The following PLCB4 variants were observed in gnomAD, a reference collection of about 807,000 sequenced individuals.
The protein encoded by PLCB4 is phospholipase C beta 4, also known as 1-phosphatidylinositol 4,5-bisphosphate phosphodiesterase beta-4.
PLCB4 carries 77 observed loss-of-function variants against 178.8 expected under a neutral mutation model. The ratio of observed to expected loss-of-function variants is 0.43; its 90% confidence interval spans 0.36 to 0.52. PLCB4 has a LOEUF of 0.52. Among genes scored for constraint, PLCB4 ranks in the 20% least tolerant of loss-of-function variants. The pLI is 0.00. For synonymous variants in PLCB4, 496 were observed against 490.8 expected, an observed-to-expected ratio of 1.01 and a Z score of -0.14; for missense variants, 1,024 against 1,453.4, an observed-to-expected ratio of 0.70 and a Z score of 4.80.
chr20:9,104,888 A>C (rs1484157453), intron 2 of PLCB4, among the ~76,000 whole-genome samples: 1 of 151,994 alleles, frequency 6.6e-6, no homozygotes, highest in Non-Finnish European at 1.5e-5. Context: ...TACCATTTTA[A>C]AGACCTCCCA....
chr20:9,416,084 A>G (rs2040223445), intron 25 of PLCB4, among the ~76,000 whole-genome samples: 1 of 152,348 alleles, frequency 6.6e-6, no homozygotes, highest in Non-Finnish European at 1.5e-5. Flanking sequence ...CTCTTCAAGT[A>G]TACAAAATGA....
At chr20:9,162,341 G>A (rs1365638051) in intron 2 of PLCB4, among the ~76,000 whole-genome samples, 4 of 152,140 alleles carry the variant, frequency 2.6e-5, no homozygotes, top group Admixed American at 6.6e-5. Flanking sequence ...GAAGCAAAAT[G>A]TGGCGATTTG....
Position 9,303,045 on chromosome 20 carries a change from C to A in PLCB4, c.-15-4755C>A, listed in dbSNP as rs1466084382. ...TCACAGCCTGGCAAACTGGGATGGC[C>A]ACCATGTTGTTTTTTAATCTATTTT... On this transcript the variant is annotated intron_variant, in intron 3 of 39. Coordinates refer to ENST00000378473, the MANE Select transcript of PLCB4 (RefSeq NM_001377142.1). 4.6e-5 allele frequency among the ~76,000 whole-genome samples: 7 copies of A among 152,122 alleles called. No homozygotes were observed. In the East Asian group the frequency reaches 1.4e-3, roughly 29 times the overall value.
chr20:9,146,859 A>C lies in PLCB4; in HGVS notation c.-79+50517A>C, dbSNP rs988035309. On this transcript the variant is annotated intron_variant, in intron 2 of 39. Coordinates refer to ENST00000378473, the MANE Select transcript of PLCB4 (RefSeq NM_001377142.1). ...GGAAGGAATTGGCGAGGTCAGCATT[A>C]TGCTTTTGTTTAAGTGTAAATAGAA... 1.3e-4 allele frequency among the ~76,000 whole-genome samples: 20 copies of C among 152,204 alleles called. 1 individual carries two copies. Among genetic ancestry groups the C allele is most frequent in the Non-Finnish European group, 4.4e-5 (3 of 68,018 alleles).
rs138401572 is a variant in PLCB4, at chr20:9,374,857, A to T, written c.744+1753A>T. ...CATACTTTCTTGTTCTGCCATTCAG[A>T]TTCTTTCTTTAAGTATTTATTATTT... is the stretch of plus-strand genomic sequence containing the variant. On this transcript the variant is annotated intron_variant, in intron 12 of 39. Coordinates refer to ENST00000378473, the MANE Select transcript of PLCB4 (RefSeq NM_001377142.1). Among the ~76,000 whole-genome samples, 515 of 152,190 alleles carry T rather than the reference A, an allele frequency of 3.4e-3. 2 individuals are homozygous for T. The highest frequency in any genetic ancestry group is 0.012 in the African/African-American group (479 of 41,552).
At chr20:9,242,047 A>G (rs1278083520) in intron 3 of PLCB4, among the ~76,000 whole-genome samples, 2 of 152,202 alleles carry the variant, frequency 1.3e-5, no homozygotes, top group African/African-American at 4.8e-5. Context: ...GAGCAGAAGC[A>G]TGCAAGGCCT....
At chr20:9,356,257 G>T (rs1233280977) in intron 7 of PLCB4, among the ~76,000 whole-genome samples, 5 of 152,098 alleles carry the variant, frequency 3.3e-5, no homozygotes, top group Admixed American at 3.3e-4. Context: ...TGTTCACTCT[G>T]ATGGTAGTTT....
intron 3 of PLCB4, among the ~76,000 whole-genome samples, chr20:9,270,330 T>C (rs1336598483): frequency 6.6e-6 from 1 of 152,138 alleles, no homozygotes; most frequent in Non-Finnish European, 1.5e-5. Context: ...TGTTTGTCTG[T>C]ATTCCAGCTC....
chr20:9,387,340 T>G, intron 14 of PLCB4, 123 bp from the exon 15 acceptor site: 1 of 565,928 alleles, frequency 1.8e-6, no homozygotes, highest in Non-Finnish European at 3.1e-6. Flanking sequence ...AATAATCAGG[T>G]TACTTAATTT....
chr20:9,295,179 C>G (rs2072422607), intron 3 of PLCB4, among the ~76,000 whole-genome samples: 1 of 152,142 alleles, frequency 6.6e-6, no homozygotes, highest in Non-Finnish European at 1.5e-5. Flanking sequence ...CTTTTGTTTT[C>G]TATGTTCCAA....
chr20:9,360,407 T>G (rs1433640676), intron 7 of PLCB4, among the ~76,000 whole-genome samples: 1 of 152,178 alleles, frequency 6.6e-6, no homozygotes, highest in Non-Finnish European at 1.5e-5. Flanking sequence ...TCTCTGTAAT[T>G]TATTTCGACA....
intron 3 of PLCB4, among the ~76,000 whole-genome samples, chr20:9,218,792 C>A (rs548796719): frequency 2.0e-5 from 3 of 152,074 alleles, no homozygotes; most frequent in Non-Finnish European, 2.9e-5. Context: ...TAGTCAAGTG[C>A]GCTATCTTTT....
At chr20:9,233,811 G>A (rs1407542505) in intron 3 of PLCB4, among the ~76,000 whole-genome samples, 1 of 152,116 alleles carries the variant, frequency 6.6e-6, no homozygotes, top group African/African-American at 2.4e-5. Context: ...TTCGTAGGAA[G>A]GAGTTTTTAA....
chr20:9,421,304 C>T lies in PLCB4; in HGVS notation c.2162C>T (p.Ser721Leu). Reference sequence around the variant, plus strand: ...TCGTTCGTGCTGCTACAGGTTATATCAGGTCAATTCTTATCAGATAAGAAA... The same window carrying T: ...TCGTTCGTGCTGCTACAGGTTATATTAGGTCAATTCTTATCAGATAAGAAA... Reference protein sequence around the residue: ...IAATCSVQVISGQFLSDKKIG... With the variant: ...IAATCSVQVILGQFLSDKKIG... The change falls in exon 27 of 40, where the codon TCA becomes TTA. Residue 721 changes from serine to leucine, a missense_variant. Around this residue, in one of 7 missense-constraint regions of PLCB4, gnomAD observed 227 missense variants for 374.3 expected, o/e 0.61. Transcript: ENST00000378473. The T allele has an allele frequency of 6.2e-7, 1 of 1,612,340 alleles. No individual in the cohort carries two copies. Among genetic ancestry groups the T allele is most frequent in the Non-Finnish European group, 8.5e-7 (1 of 1,178,784 alleles).
chr20:9,376,198 G>A (rs941165193), intron 12 of PLCB4, among the ~76,000 whole-genome samples: 1 of 152,070 alleles, frequency 6.6e-6, no homozygotes, highest in Non-Finnish European at 1.5e-5. Flanking sequence ...TGGACCAGCA[G>A]CATCGGCACC....
At chr20:9,450,880 C>T (rs2042728959) in intron 32 of PLCB4, among the ~76,000 whole-genome samples, 1 of 151,858 alleles carries the variant, frequency 6.6e-6, no homozygotes, top group Admixed American at 6.6e-5. Flanking sequence ...AACTCCTGAC[C>T]TCAGGTGATT....
chr20:9,304,110 A>ATT lies in PLCB4; in HGVS notation c.-15-3678_-15-3677dup, dbSNP rs11481119. On this transcript the variant is annotated intron_variant, in intron 3 of 39. Coordinates refer to ENST00000378473, the MANE Select transcript of PLCB4 (RefSeq NM_001377142.1). ...TGCTTTTACTGATCATTGTTTTACTATTTTTTTTTTTTTGGCTACATATTA... is the reference window on the plus strand; with the variant it reads ...TGCTTTTACTGATCATTGTTTTACTATTTTTTTTTTTTTTTGGCTACATATTA... Among the ~76,000 whole-genome samples the ATT allele has an allele frequency of 5.4e-3, 767 of 142,672 alleles. 3 individuals carry two copies. Among genetic ancestry groups the ATT allele is most frequent in the Non-Finnish European group, 6.9e-3 (455 of 66,076 alleles). 93.6% of individuals were successfully genotyped at this position (142,672 alleles called of 152,430 possible).
chr20:9,400,674 A>T (rs576656961), intron 19 of PLCB4, among the ~76,000 whole-genome samples: 1 of 152,220 alleles, frequency 6.6e-6, no homozygotes, highest in South Asian at 2.1e-4. Flanking sequence ...CAAATTCTTT[A>T]TCTGGGAATT....
At chr20:9,244,551 T>C (rs1464080125) in intron 3 of PLCB4, among the ~76,000 whole-genome samples, 2 of 152,224 alleles carry the variant, frequency 1.3e-5, no homozygotes, top group Non-Finnish European at 2.9e-5. Context: ...ATACAATACA[T>C]AATTTCTGTC....
Sources: gnomAD v4.1 joint callset for allele counts (sites outside exome capture counted in the v4.1 genomes callset) on GRCh38, gnomAD v4.1.1 for gene constraint, gnomAD v4.1.1 regional missense constraint, MANE v1.5 for transcripts, NCBI Gene and HGNC (gene_info 2026-07-23, HGNC 2026-07-21) for gene names.